The following GNA14 variants were observed in gnomAD, a reference collection of about 807,000 sequenced individuals.
The protein encoded by GNA14 is G protein subunit alpha 14, also known as guanine nucleotide-binding protein subunit alpha-14.
A neutral mutation model predicts 42.0 loss-of-function variants in GNA14; 50 were observed. The ratio of observed to expected loss-of-function variants is 1.19; its 90% CI spans 0.95 to 1.51. The LOEUF is 1.51. Ranked by LOEUF, GNA14 falls within the 40% of genes most tolerant of loss-of-function variation. The pLI is 0.00. For synonymous variants in GNA14, 173 were observed against 163.1 expected (o/e 1.06, Z -0.46); for missense variants, 473 against 446.2 (o/e 1.06, Z -0.54).
chr9:77,564,309 A>C (rs919306953), intron 1 of GNA14, among the ~76,000 whole-genome samples: 7 of 111,000 alleles, frequency 6.3e-5, no homozygotes, highest in African/African-American at 2.1e-4. Flanking sequence ...AAAAAAAAAA[A>C]AAAAACTTAT....
At chr9:77,582,413 C>T (rs1823239876) in intron 1 of GNA14, among the ~76,000 whole-genome samples, 1 of 152,190 alleles carries the variant, frequency 6.6e-6, no homozygotes, top group Admixed American at 6.5e-5. Flanking sequence ...CAGGTAAACC[C>T]TGCTTGAGAA....
At chr9:77,444,488 C>G (rs182166793) in intron 2 of GNA14, among the ~76,000 whole-genome samples, 5 of 152,292 alleles carry the variant, frequency 3.3e-5, no homozygotes, top group Non-Finnish European at 7.4e-5. Flanking sequence ...CACTTCATCC[C>G]CCCAGAATCC....
At chr9:77,647,084 C>T (rs1824367640) in intron 1 of GNA14, among the ~76,000 whole-genome samples, 2 of 152,208 alleles carry the variant, frequency 1.3e-5, no homozygotes, top group African/African-American at 4.8e-5. Flanking sequence ...GCATGGGCTT[C>T]ACCCCCACAG....
chr9:77,623,543 G>T (rs1309131153), intron 1 of GNA14, among the ~76,000 whole-genome samples: 1 of 152,206 alleles, frequency 6.6e-6, no homozygotes, highest in African/African-American at 2.4e-5. Context: ...CAGAAGGCAG[G>T]TGATTTCTGC....
chr9:77,452,089 C>G (rs1007091102), intron 2 of GNA14, among the ~76,000 whole-genome samples: 1 of 152,116 alleles, frequency 6.6e-6, no homozygotes, highest in Non-Finnish European at 1.5e-5. Context: ...TTGAGAGACA[C>G]GATCCAGTAA....
At chr9:77,554,837 A>T (rs1214472912) in intron 1 of GNA14, among the ~76,000 whole-genome samples, 1 of 152,232 alleles carries the variant, frequency 6.6e-6, no homozygotes, top group African/African-American at 2.4e-5. Flanking sequence ...ATCCTGTGCT[A>T]GAATTGCATG....
chr9:77,544,831 T>C (rs2131778156), intron 1 of GNA14, among the ~76,000 whole-genome samples: 1 of 152,238 alleles, frequency 6.6e-6, no homozygotes, highest in African/African-American at 2.4e-5. Flanking sequence ...TTCTGAAAAT[T>C]AACATTTTCC....
chr9:77,557,715 G>C (rs765927397), intron 1 of GNA14, among the ~76,000 whole-genome samples: 2 of 152,148 alleles, frequency 1.3e-5, no homozygotes, highest in African/African-American at 4.8e-5. Flanking sequence ...TACTTCATGG[G>C]AGCAAATGAC....
intron 1 of GNA14, among the ~76,000 whole-genome samples, chr9:77,630,529 T>C (rs1824081254): frequency 6.6e-6 from 1 of 152,192 alleles, no homozygotes; most frequent in East Asian, 1.9e-4. Flanking sequence ...GTTTTTAAAA[T>C]GTGTAAATAG....
chr9:77,564,053 C>T (rs1283220725), intron 1 of GNA14, among the ~76,000 whole-genome samples: 1 of 152,132 alleles, frequency 6.6e-6, no homozygotes, highest in Non-Finnish European at 1.5e-5. Context: ...AAATATGGAT[C>T]TTCCCTTAGT....
intron 1 of GNA14, among the ~76,000 whole-genome samples, chr9:77,599,899 G>A (rs556288255): frequency 6.6e-6 from 1 of 152,148 alleles, no homozygotes; most frequent in African/African-American, 2.4e-5. Context: ...ACAAAAAATT[G>A]TAACTATAGA....
At chr9:77,563,247 G>A (rs889658436) in intron 1 of GNA14, among the ~76,000 whole-genome samples, 6 of 152,142 alleles carry the variant, frequency 3.9e-5, no homozygotes, top group African/African-American at 1.4e-4. Flanking sequence ...TCTCTTCAGA[G>A]CTCATGCTGT....
Position 77,618,869 on chromosome 9 carries a change from G to A in GNA14, c.124+28801C>T, listed in dbSNP as rs868684274. Among the ~76,000 whole-genome samples the A allele has an allele frequency of 9.3e-5, 14 of 150,818 alleles. No individual in the cohort carries two copies. In the South Asian group the frequency reaches 1.3e-3, roughly 14 times the overall value. On this transcript the variant is annotated intron_variant, in intron 1 of 6. Transcript: ENST00000341700. Reference sequence around the variant, plus strand: ...GGGATGGTCTCGATCTCCTGACCTCGTGATCCGCCCGCCTCGGCCTCCCAA... The same window carrying A: ...GGGATGGTCTCGATCTCCTGACCTCATGATCCGCCCGCCTCGGCCTCCCAA...
At chr9:77,538,401 T>C (rs1037864473) in intron 1 of GNA14, among the ~76,000 whole-genome samples, 30 of 152,178 alleles carry the variant, frequency 2.0e-4, no homozygotes, top group African/African-American at 7.0e-4. Flanking sequence ...ATTGCTTTGC[T>C]TTGGCTATTC....
intron 1 of GNA14, among the ~76,000 whole-genome samples, chr9:77,596,398 T>G (rs1056875394): frequency 1.3e-4 from 20 of 152,308 alleles, no homozygotes; most frequent in African/African-American, 4.8e-4. Context: ...AACTGATTTT[T>G]GTTGTTTTAC....
intron 1 of GNA14, among the ~76,000 whole-genome samples, chr9:77,627,632 A>G (rs1226637631): frequency 2.0e-5 from 3 of 152,220 alleles, no homozygotes; most frequent in African/African-American, 7.2e-5. Flanking sequence ...AACAGAACCA[A>G]CGCCCAAAAA....
chr9:77,480,030 C>A (rs371630753), intron 2 of GNA14, among the ~76,000 whole-genome samples: 71 of 152,202 alleles, frequency 4.7e-4, no homozygotes, highest in African/African-American at 1.6e-3. Context: ...TTCCAAATTG[C>A]ATACCCTTTA....
At chr9:77,477,225 C>T (rs1273134997) in intron 2 of GNA14, among the ~76,000 whole-genome samples, 6 of 152,014 alleles carry the variant, frequency 3.9e-5, no homozygotes, top group Admixed American at 1.3e-4. Context: ...GGTGTGCTGG[C>T]GTGCACCAGT....
At chr9:77,633,992 T>TA (rs971014432) in intron 1 of GNA14, among the ~76,000 whole-genome samples, 28 of 152,088 alleles carry the variant, frequency 1.8e-4, no homozygotes, top group African/African-American at 6.5e-4. Flanking sequence ...AGAAAAAGAA[T>TA]AAAAAAAGAC....
Sources: gnomAD v4.1 joint callset for allele counts (sites outside exome capture counted in the v4.1 genomes callset) on GRCh38, gnomAD v4.1.1 for gene constraint, MANE v1.5 for transcripts, NCBI Gene and HGNC (gene_info 2026-07-23, HGNC 2026-07-21) for gene names.